Variants in ZNF385B observed in about 807,000 individuals in gnomAD.
ZNF385B encodes the protein zinc finger protein 533.
Under a neutral mutation model 39.2 loss-of-function variants are expected in ZNF385B, and 23 were observed. That is an observed-to-expected ratio of 0.59 (90% CI 0.42 to 0.83). The LOEUF (loss-of-function observed/expected upper bound fraction) is 0.83. Ranked by LOEUF, ZNF385B falls within the 40% of genes least tolerant of loss-of-function variation. The pLI is 0.00. For synonymous variants in ZNF385B, 205 were observed against 222.6 expected (o/e 0.92, Z 0.70); for missense variants, 552 against 598.9 (o/e 0.92, Z 0.82).
At position 179,836,433 on chromosome 2, in the gene ZNF385B, G is replaced by A. The variant is rs916749186; in HGVS notation, c.-155+24668C>T. Among the ~76,000 whole-genome samples, 4 of 151,534 alleles carry A rather than the reference G, an allele frequency of 2.6e-5. No individual in the cohort carries two copies. In the East Asian group the frequency reaches 7.7e-4, roughly 29 times the overall value. ...GCAATAAAATAAAAATGTAAAATAA[G>A]AGAATTTGAGTCAGAAGCCTCTCTC... On this transcript the variant is annotated intron_variant, in intron 1 of 9. Transcript: ENST00000410066.
chr2:179,673,369 C>G (rs527906105), intron 3 of ZNF385B, among the ~76,000 whole-genome samples: 4 of 152,060 alleles, frequency 2.6e-5, no homozygotes, highest in Non-Finnish European at 5.9e-5. Flanking sequence ...AAACATCATA[C>G]GCTTTTCACA....
intron 7 of ZNF385B, 54 bp downstream of exon 7, chr2:179,446,471 G>C: frequency 6.4e-7 from 1 of 1,560,092 alleles, no homozygotes; most frequent in Non-Finnish European, 8.7e-7. Context: ...ATTCTGATGG[G>C]AAAAGTTGGG....
chr2:179,819,591 T>C (rs1396131962), intron 1 of ZNF385B, among the ~76,000 whole-genome samples: 2 of 152,304 alleles, frequency 1.3e-5, no homozygotes, highest in East Asian at 3.9e-4. Context: ...ACAGACAATC[T>C]TTACTTTTCC....
At chr2:179,718,284 T>A (rs1204907102) in intron 3 of ZNF385B, among the ~76,000 whole-genome samples, 2 of 150,824 alleles carry the variant, frequency 1.3e-5, no homozygotes, top group East Asian at 3.9e-4. Flanking sequence ...TTTTAAATAC[T>A]GGGTCTTAAA....
At chr2:179,801,529 A>C (rs1706033611) in intron 1 of ZNF385B, among the ~76,000 whole-genome samples, 1 of 152,136 alleles carries the variant, frequency 6.6e-6, no homozygotes, top group Admixed American at 6.6e-5. Context: ...GTCACATTTC[A>C]ATTACATAAC....
At chr2:179,715,569 A>G (rs557713497) in intron 3 of ZNF385B, among the ~76,000 whole-genome samples, 69 of 152,338 alleles carry the variant, frequency 4.5e-4, no homozygotes, top group African/African-American at 1.6e-3. Flanking sequence ...GATATTTATA[A>G]TAAGTTCAGA....
At chr2:179,641,065 C>T (rs1559019282) in intron 3 of ZNF385B, among the ~76,000 whole-genome samples, 1 of 144,998 alleles carries the variant, frequency 6.9e-6, no homozygotes, top group Non-Finnish European at 1.5e-5. Context: ...TACATTATGT[C>T]CATAATGTGA....
intron 1 of ZNF385B, among the ~76,000 whole-genome samples, chr2:179,837,434 AG>A (rs1708313747): frequency 6.6e-6 from 1 of 152,224 alleles, no homozygotes; most frequent in African/African-American, 2.4e-5. Context: ...ATTGTTAGTT[AG>A]TATTTATATA....
At chr2:179,443,603 G>A (rs2049176146) in intron 9 of ZNF385B, 135 bp from the exon 10 acceptor site, 1 of 730,916 alleles carries the variant, frequency 1.4e-6, no homozygotes, top group Non-Finnish European at 2.3e-6. Context: ...CAGAAGTCAA[G>A]AAATCATTAT....
chr2:179,609,710 C>G (rs562140378), intron 3 of ZNF385B, among the ~76,000 whole-genome samples: 2 of 152,172 alleles, frequency 1.3e-5, no homozygotes, highest in Non-Finnish European at 2.9e-5. Flanking sequence ...TACAAAGAGT[C>G]GCTTCTCTCC....
intron 1 of ZNF385B, among the ~76,000 whole-genome samples, chr2:179,805,092 T>G (rs573496027): frequency 1.3e-5 from 2 of 152,266 alleles, no homozygotes; most frequent in South Asian, 4.1e-4. Context: ...ATCCTGGAAC[T>G]CTCAAGCCTA....
At chr2:179,828,669 G>A (rs551693167) in intron 1 of ZNF385B, among the ~76,000 whole-genome samples, 3 of 152,266 alleles carry the variant, frequency 2.0e-5, no homozygotes, top group African/African-American at 7.2e-5. Flanking sequence ...AAGTTTGAGA[G>A]TATGAAAATT....
chr2:179,740,021 A>G (rs1186570157), intron 3 of ZNF385B, among the ~76,000 whole-genome samples: 2 of 152,272 alleles, frequency 1.3e-5, no homozygotes, highest in Admixed American at 6.5e-5. Context: ...GAAAGTATGG[A>G]AAAATGACAG....
intron 3 of ZNF385B, among the ~76,000 whole-genome samples, chr2:179,581,767 T>G (rs937756175): frequency 2.6e-5 from 4 of 152,162 alleles, no homozygotes; most frequent in Admixed American, 6.5e-5. Context: ...CAATGGGATA[T>G]GAGTAGAAGT....
chr2:179,630,237 G>A (rs976855085), intron 3 of ZNF385B, among the ~76,000 whole-genome samples: 18 of 152,356 alleles, frequency 1.2e-4, no homozygotes, highest in African/African-American at 4.3e-4. Context: ...CTCCTGTGCA[G>A]CCTAACTGGG....
At chr2:179,660,990 C>T (rs1694400149) in intron 3 of ZNF385B, among the ~76,000 whole-genome samples, 1 of 152,168 alleles carries the variant, frequency 6.6e-6, no homozygotes, top group Non-Finnish European at 1.5e-5. Flanking sequence ...AGTTTAGCTT[C>T]CCAGAGTCCT....
intron 1 of ZNF385B, among the ~76,000 whole-genome samples, chr2:179,839,618 G>A (rs1430429815): frequency 4.6e-5 from 7 of 152,156 alleles, no homozygotes; most frequent in Non-Finnish European, 1.0e-4. Context: ...TAGGGTCCCA[G>A]TGGGAAGGAA....
rs536015328 is a variant in ZNF385B, at chr2:179,770,598, A to G, written c.-80T>C. The G allele has an allele frequency of 1.1e-4, 17 of 152,344 alleles. No individual in the cohort carries two copies. The highest frequency in any genetic ancestry group is 4.1e-4 in the African/African-American group (17 of 41,584). 9.4% of individuals were successfully genotyped at this position (152,344 alleles called of 1,614,324 possible). A position where few individuals can be genotyped will look rare whatever the true frequency, so the allele number is the denominator to read the frequency against. ...CATATTTTCTTATTCTTGTAGTGAAACAAACTGTTTTTCGGTTTCCAGGTT... is the reference window on the plus strand; with the variant it reads ...CATATTTTCTTATTCTTGTAGTGAAGCAAACTGTTTTTCGGTTTCCAGGTT... On this transcript the variant is annotated 5_prime_UTR_variant, in exon 2 of 10. Transcript: ENST00000410066.
At chr2:179,482,195 C>A (rs1488599310) in intron 6 of ZNF385B, among the ~76,000 whole-genome samples, 1 of 152,180 alleles carries the variant, frequency 6.6e-6, no homozygotes, top group Non-Finnish European at 1.5e-5. Flanking sequence ...ATTTTCTGAA[C>A]CTTCCTCTTA....
Sources: gnomAD v4.1 joint callset for allele counts (sites outside exome capture counted in the v4.1 genomes callset) on GRCh38, gnomAD v4.1.1 for gene constraint, MANE v1.5 for transcripts, NCBI Gene and HGNC (gene_info 2026-07-23, HGNC 2026-07-21) for gene names.